The following ZNF717 variants were observed in gnomAD, a reference collection of about 807,000 sequenced individuals.
The protein encoded by ZNF717 is krueppel-like factor X17.
ZNF717 carries 9 observed loss-of-function variants against 13.8 expected under a neutral mutation model. The ratio of observed to expected loss-of-function variants is 0.65; its 90% CI spans 0.39 to 1.14. The LOEUF (loss-of-function observed/expected upper bound fraction) is 1.14, where lower values mean the gene tolerates loss of function less well. Among genes scored for constraint, ZNF717 ranks in the 50% most tolerant of loss-of-function variants. The pLI, the probability that ZNF717 is intolerant of heterozygous loss-of-function variation, is 0.01. For synonymous variants in ZNF717, 327 were observed against 364.1 expected, an observed-to-expected ratio of 0.90 and a Z score of 1.16; for missense variants, 1,040 against 1,080.7, an observed-to-expected ratio of 0.96 and a Z score of 0.53.
chr3:75,774,571 T>C (rs1944157094), intron 2 of ZNF717, among the ~76,000 whole-genome samples: 1 of 150,526 alleles, frequency 6.6e-6, no homozygotes, highest in African/African-American at 2.4e-5. Flanking sequence ...ATGTCATCAA[T>C]CCATTCTAAA....
chr3:75,727,064 A>C (rs1445338349), downstream of ZNF717, among the ~76,000 whole-genome samples: 1 of 152,264 alleles, frequency 6.6e-6, no homozygotes, highest in South Asian at 2.1e-4. Flanking sequence ...GAAGAACATA[A>C]ATTGTGAAGA....
At chr3:75,760,596 TC>T (rs1355127533) in intron 2 of ZNF717, among the ~76,000 whole-genome samples, 1 of 146,114 alleles carries the variant, frequency 6.8e-6, no homozygotes, top group Admixed American at 6.9e-5. Flanking sequence ...AGAAGAAAGA[TC>T]TCAAACCCAT....
chr3:75,741,247 G>T, intron 4 of ZNF717, 29 bp downstream of exon 4: 2 of 1,391,620 alleles, frequency 1.4e-6, no homozygotes, highest in African/African-American at 1.4e-5. Flanking sequence ...ACTCCTCCAG[G>T]CCTCCCTGCC....
At chr3:75,731,730 T>A (rs879789684), downstream of ZNF717, among the ~76,000 whole-genome samples, 3 of 151,886 alleles carry the variant, frequency 2.0e-5, no homozygotes, top group African/African-American at 7.3e-5. Flanking sequence ...CTGTGCAACA[T>A]AGTGAGACCC....
At chr3:75,720,935 A>T (rs1461250103) in intron 4 of ZNF717, among the ~76,000 whole-genome samples, 1 of 152,228 alleles carries the variant, frequency 6.6e-6, no homozygotes, top group African/African-American at 2.4e-5. Context: ...AATAATTATC[A>T]ATATTTATTA....
chr3:75,712,879 T>A (rs572121445), intron 5 of ZNF717, among the ~76,000 whole-genome samples: 274 of 152,186 alleles, frequency 1.8e-3, no homozygotes, highest in African/African-American at 5.9e-3. Flanking sequence ...AGCATATTTG[T>A]ATGCATTTCT....
intron 2 of ZNF717, among the ~76,000 whole-genome samples, chr3:75,769,936 A>G (rs901318696): frequency 1.3e-5 from 2 of 152,266 alleles, no homozygotes; most frequent in Non-Finnish European, 2.9e-5. Flanking sequence ...TATTAACATA[A>G]GCTAGAATCA....
At chr3:75,773,960 A>T (rs1944095800) in intron 2 of ZNF717, among the ~76,000 whole-genome samples, 1 of 152,166 alleles carries the variant, frequency 6.6e-6, no homozygotes, top group Non-Finnish European at 1.5e-5. Context: ...GGGGCAGGAG[A>T]ATCTCTTGAA....
At chr3:75,706,588 C>G (rs143652128), downstream of ZNF717, among the ~76,000 whole-genome samples, 1 of 152,148 alleles carries the variant, frequency 6.6e-6, no homozygotes, top group Non-Finnish European at 1.5e-5. Flanking sequence ...GCCTTGGATA[C>G]AAATCAATGT....
In ZNF717 at chr3:75,756,229, T is replaced by G. The variant is rs1393229374; in HGVS notation, c.58-14493A>C. Among the ~76,000 whole-genome samples, 26 of 152,278 alleles carry G rather than the reference T, an allele frequency of 1.7e-4. 1 individual carries two copies. The highest frequency in any genetic ancestry group is 1.7e-3 in the Admixed American group (26 of 15,294). ...TTGGGAACCACAAATCACACCCGGA[T>G]AAGACAGCAAACAACTGACAAATGC... On this transcript the variant is annotated intron_variant, in intron 2 of 4. Transcript: ENST00000652011.
At chr3:75,705,255 G>A (rs1310322837), downstream of ZNF717, among the ~76,000 whole-genome samples, 2 of 562 alleles carry the variant, frequency 3.6e-3, no homozygotes, top group African/African-American at 0.016. Context: ...CCATTTCCCC[G>A]TTCGATCTGA....
At chr3:75,731,573 A>G (rs78727419), downstream of ZNF717, among the ~76,000 whole-genome samples, 1 of 1,566 alleles carries the variant, frequency 6.4e-4, no homozygotes, top group Admixed American at 8.9e-3. Flanking sequence ...AAAAAGGAAG[A>G]AAAAAAAAAA....
At chr3:75,744,945 A>G (rs1207686333) in intron 2 of ZNF717, among the ~76,000 whole-genome samples, 3 of 152,102 alleles carry the variant, frequency 2.0e-5, no homozygotes, top group African/African-American at 7.2e-5. Flanking sequence ...TGGAAAATTA[A>G]TTAAACAGAG....
chr3:75,732,856 G>C (rs1575737049), downstream of ZNF717, among the ~76,000 whole-genome samples: 1 of 152,116 alleles, frequency 6.6e-6, no homozygotes. Context: ...CATACTAAAA[G>C]GCAAAAAACA....
downstream of ZNF717, among the ~76,000 whole-genome samples, chr3:75,728,470 T>C (rs1938342265): frequency 6.6e-6 from 1 of 152,240 alleles, no homozygotes; most frequent in Non-Finnish European, 1.5e-5. Context: ...CATTCATTGA[T>C]ACGGTTTGGC....
chr3:75,739,673 CTCT>C (rs1407823524), intron 4 of ZNF717, among the ~76,000 whole-genome samples: 3 of 149,706 alleles, frequency 2.0e-5, no homozygotes, highest in South Asian at 2.1e-4. Flanking sequence ...TATGTTTTCT[CTCT>C]TTTTTTTTAT....
At chr3:75,774,189 CAAA>C (rs528249551) in intron 2 of ZNF717, among the ~76,000 whole-genome samples, 1 of 130,236 alleles carries the variant, frequency 7.7e-6, no homozygotes, top group African/African-American at 2.8e-5. Flanking sequence ...AATAAACTAC[CAAA>C]AAAAAAAAAA....
chr3:75,747,902 G>A (rs1218848517), intron 2 of ZNF717, among the ~76,000 whole-genome samples: 2 of 152,150 alleles, frequency 1.3e-5, no homozygotes, highest in African/African-American at 4.8e-5. Context: ...ATGAATCCAG[G>A]AGCTGGTTTT....
intron 1 of ZNF717, among the ~76,000 whole-genome samples, chr3:75,784,275 T>C (rs899282007): frequency 6.6e-6 from 1 of 152,210 alleles, no homozygotes; most frequent in African/African-American, 2.4e-5. Flanking sequence ...CCACAGAACT[T>C]CAAACAAATA....
Sources: allele counts gnomAD v4.1 joint callset (sites outside exome capture counted in the v4.1 genomes callset), GRCh38; gene constraint gnomAD v4.1.1; transcripts MANE v1.5; gene names NCBI Gene and HGNC (gene_info 2026-07-23, HGNC 2026-07-21).